KIFAP3: variants seen among roughly 807,000 people sequenced by gnomAD.
KIFAP3 encodes the protein kinesin associated protein 3.
Under a neutral mutation model 106.5 loss-of-function variants are expected in KIFAP3, and 68 were observed. That is an observed-to-expected ratio of 0.64 (90% CI 0.53 to 0.78). The LOEUF (loss-of-function observed/expected upper bound fraction) is 0.78, where lower values mean the gene tolerates loss of function less well. Ranked by LOEUF, KIFAP3 falls within the 30% of genes least tolerant of loss-of-function variation. KIFAP3 has a pLI of 0.00. For synonymous variants in KIFAP3, 320 were observed against 311.5 expected (o/e 1.03, Z -0.29); for missense variants, 780 against 941.8 (o/e 0.83, Z 2.25).
In KIFAP3 at chr1:169,982,718, C is replaced by T. The variant is rs1666592815; in HGVS notation, c.1656G>A (p.Lys552=). ...AGCACAAACCTGGTTTTAGTTTATC[C>T]TTGAGGTATGGAACCAACTTATATT... ...LKEYKLVPYL[K]DKLKPGAAED... is the part of the protein sequence containing the mutation. The change falls in exon 14 of 20, where the codon AAG becomes AAA. Residue 552 remains lysine (K), a synonymous_variant. Transcript: ENST00000361580. 2 of 1,600,080 alleles carry T rather than the reference C, an allele frequency of 1.2e-6. No individual in the cohort carries two copies. Among genetic ancestry groups the T allele is most frequent in the East Asian group, 2.2e-5 (1 of 44,484 alleles).
At chr1:169,995,142 A>C (rs1340790170) in intron 10 of KIFAP3, among the ~76,000 whole-genome samples, 1 of 152,106 alleles carries the variant, frequency 6.6e-6, no homozygotes, top group African/African-American at 2.4e-5. Flanking sequence ...TTAACAGACC[A>C]CATTTTTATA....
rs1473311361 is a variant in KIFAP3, at chr1:170,074,200, A to C, written c.32+236T>G. Among the ~76,000 whole-genome samples, 3 of 152,068 alleles carry C rather than the reference A, an allele frequency of 2.0e-5. No individual in the cohort carries two copies. In the East Asian group the frequency reaches 5.8e-4, roughly 29 times the overall value. ...CTGGAATAAGGTGATGTAGCGAAGA[A>C]ACCATCTTTCAATGCTGTCAGGGCT... On this transcript the variant is annotated intron_variant, in intron 1 of 19. Transcript: ENST00000361580.
chr1:169,940,474 T>C (rs1664047351), intron 19 of KIFAP3, among the ~76,000 whole-genome samples: 1 of 152,164 alleles, frequency 6.6e-6, no homozygotes, highest in Non-Finnish European at 1.5e-5. Context: ...TTTCCATACA[T>C]GGGGGAGGAG....
At chr1:170,041,199 T>A (rs911958446) in intron 3 of KIFAP3, among the ~76,000 whole-genome samples, 8 of 152,234 alleles carry the variant, frequency 5.3e-5, no homozygotes, top group African/African-American at 1.7e-4. Context: ...TTAGATACTG[T>A]ATTCACAGCT....
intron 19 of KIFAP3, among the ~76,000 whole-genome samples, chr1:169,932,031 A>G (rs927206333): frequency 1.8e-4 from 27 of 152,156 alleles, no homozygotes; most frequent in Non-Finnish European, 3.7e-4. Context: ...CTCCAAGCAC[A>G]AATATTTCTT....
At chr1:170,031,535 A>G (rs1367587264) in intron 8 of KIFAP3, among the ~76,000 whole-genome samples, 2 of 151,818 alleles carry the variant, frequency 1.3e-5, no homozygotes, top group African/African-American at 2.4e-5. Context: ...TAAAATGTTT[A>G]TATCAATTTC....
chr1:170,009,198 A>G (rs1212872459), intron 10 of KIFAP3, among the ~76,000 whole-genome samples: 1 of 152,138 alleles, frequency 6.6e-6, no homozygotes, highest in Non-Finnish European at 1.5e-5. Flanking sequence ...GCACATGTAT[A>G]CCTATGTAAC....
At chr1:169,926,700 CACACAT>C (rs1385425457) in intron 19 of KIFAP3, among the ~76,000 whole-genome samples, 2 of 151,952 alleles carry the variant, frequency 1.3e-5, no homozygotes, top group Non-Finnish European at 2.9e-5. Context: ...CACACACACA[CACACAT>C]TCAAAATTTT....
intron 9 of KIFAP3, among the ~76,000 whole-genome samples, chr1:170,017,133 T>C (rs1668561647): frequency 6.6e-6 from 1 of 151,936 alleles, no homozygotes; most frequent in South Asian, 2.1e-4. Flanking sequence ...GGCATGCACC[T>C]GTAGTCCCAG....
At chr1:169,948,754 A>T (rs1558187733) in intron 19 of KIFAP3, among the ~76,000 whole-genome samples, 1 of 152,002 alleles carries the variant, frequency 6.6e-6, no homozygotes, top group African/African-American at 2.4e-5. Flanking sequence ...ATATAAAAGA[A>T]TTTTTTGCTT....
intron 3 of KIFAP3, among the ~76,000 whole-genome samples, 194 bp downstream of exon 3, chr1:170,046,518 C>G (rs535247759): frequency 1.3e-5 from 2 of 152,224 alleles, no homozygotes; most frequent in African/African-American, 4.8e-5. Flanking sequence ...TATGTGGAAG[C>G]ATCTAATATA....
At chr1:170,045,783 T>C (rs1286740625) in intron 3 of KIFAP3, among the ~76,000 whole-genome samples, 1 of 152,196 alleles carries the variant, frequency 6.6e-6, no homozygotes, top group African/African-American at 2.4e-5. Context: ...GACAGAAATA[T>C]AGTTATAACT....
intron 17 of KIFAP3, among the ~76,000 whole-genome samples, chr1:169,964,856 A>C (rs901699972): frequency 3.3e-5 from 5 of 152,190 alleles, no homozygotes; most frequent in Non-Finnish European, 7.3e-5. Flanking sequence ...ACTTCACAAG[A>C]GTACACTTTT....
chr1:169,929,968 T>A (rs1424055937), intron 19 of KIFAP3, among the ~76,000 whole-genome samples: 1 of 152,188 alleles, frequency 6.6e-6, no homozygotes. Flanking sequence ...AGGGAACGTG[T>A]GTAAAATAGT....
At chr1:170,003,205 T>C (rs752832046) in intron 10 of KIFAP3, among the ~76,000 whole-genome samples, 1 of 152,216 alleles carries the variant, frequency 6.6e-6, no homozygotes, top group Non-Finnish European at 1.5e-5. Flanking sequence ...GTCTAAGTGC[T>C]TACTTTCAAT....
chr1:170,014,711 T>TAAACCA (rs1206816734), intron 10 of KIFAP3, among the ~76,000 whole-genome samples: 3 of 152,192 alleles, frequency 2.0e-5, no homozygotes, highest in African/African-American at 7.2e-5. Context: ...AAAAATTACC[T>TAAACCA]GGTTTGTCAA....
At chr1:170,000,353 G>T (rs181222071) in intron 10 of KIFAP3, among the ~76,000 whole-genome samples, 3 of 152,188 alleles carry the variant, frequency 2.0e-5, no homozygotes, top group Admixed American at 6.6e-5. Context: ...TAATAGAAGT[G>T]GGAATATAAG....
chr1:169,949,464 T>C (rs1026971503), intron 19 of KIFAP3, among the ~76,000 whole-genome samples: 2 of 151,944 alleles, frequency 1.3e-5, no homozygotes, highest in African/African-American at 4.8e-5. Context: ...TTTATGAAAA[T>C]TGGATTCCTA....
intron 15 of KIFAP3, among the ~76,000 whole-genome samples, chr1:169,978,718 T>C (rs745552531): frequency 1.3e-5 from 2 of 152,122 alleles, no homozygotes; most frequent in Admixed American, 6.6e-5. Context: ...AAAAGCATAA[T>C]TGCTTATAGA....
Sources: allele counts gnomAD v4.1 joint callset (sites outside exome capture counted in the v4.1 genomes callset), GRCh38; gene constraint gnomAD v4.1.1; transcripts MANE v1.5; gene names NCBI Gene and HGNC (gene_info 2026-07-23, HGNC 2026-07-21).